The following RBMS3 variants were observed in gnomAD, a reference collection of about 807,000 sequenced individuals.
The protein encoded by RBMS3 is RNA binding motif single stranded interacting protein 3, also known as RNA-binding motif, single-stranded-interacting protein 3.
In RBMS3, 27 loss-of-function variants were observed where a neutral mutation model predicts 66.8. The ratio of observed to expected loss-of-function variants is 0.40; its 90% CI spans 0.30 to 0.56. RBMS3 has a LOEUF of 0.56. Ranked by LOEUF, RBMS3 falls within the 20% of genes least tolerant of loss-of-function variation. RBMS3 has a pLI of 0.40. For missense variants in RBMS3, 513 were observed against 549.5 expected, an observed-to-expected ratio of 0.93 and a Z score of 0.66; for synonymous variants, 188 against 183.0, an observed-to-expected ratio of 1.03 and a Z score of -0.22.
chr3:29,468,976 T>C (rs1293506141), intron 2 of RBMS3, among the ~76,000 whole-genome samples: 2 of 152,130 alleles, frequency 1.3e-5, no homozygotes, highest in Non-Finnish European at 2.9e-5. Context: ...AAAAGCATGG[T>C]GAATTATAGA....
intron 1 of RBMS3, among the ~76,000 whole-genome samples, chr3:29,313,581 G>A (rs1021319468): frequency 7.9e-5 from 12 of 151,530 alleles, no homozygotes; most frequent in Admixed American, 6.6e-5. Flanking sequence ...GTGTGGCCAC[G>A]GCTGCCCCTT....
intron 10 of RBMS3, among the ~76,000 whole-genome samples, chr3:29,931,903 C>A (rs576074130): frequency 3.2e-4 from 49 of 152,188 alleles, no homozygotes; most frequent in African/African-American, 1.2e-3. Flanking sequence ...TTTTAAAATT[C>A]ATATATAGTT....
At chr3:29,753,967 T>C (rs2055298079) in intron 5 of RBMS3, among the ~76,000 whole-genome samples, 1 of 152,162 alleles carries the variant, frequency 6.6e-6, no homozygotes, top group African/African-American at 2.4e-5. Context: ...AAACTCTTTT[T>C]TTTTTTTTGA....
At chr3:29,395,025 G>A (rs1246971505) in intron 1 of RBMS3, among the ~76,000 whole-genome samples, 1 of 152,150 alleles carries the variant, frequency 6.6e-6, no homozygotes, top group African/African-American at 2.4e-5. Context: ...TTTCAGCAAT[G>A]CCACCTCCCA....
chr3:29,931,496 G>A (rs2061123478), intron 10 of RBMS3, among the ~76,000 whole-genome samples: 1 of 152,072 alleles, frequency 6.6e-6, no homozygotes, highest in Non-Finnish European at 1.5e-5. Context: ...TTTTAAAGTT[G>A]GACTGCACTA....
rs150268012 is a variant in RBMS3 at position 29,809,034 on chromosome 3, A to G, written c.637+46045A>G. Among the ~76,000 whole-genome samples, 85 of 152,004 alleles carry G rather than the reference A, an allele frequency of 5.6e-4. 1 individual carries two copies. Among genetic ancestry groups the G allele is most frequent in the Admixed American group, 3.3e-4 (5 of 15,242 alleles). On this transcript the variant is annotated intron_variant, in intron 6 of 14. Transcript: ENST00000383767. ...AGACATCTAAATGTATATTCTCCTTATTTTTCCTTAAATATGAAATTATCC... is the reference window on the plus strand; with the variant it reads ...AGACATCTAAATGTATATTCTCCTTGTTTTTCCTTAAATATGAAATTATCC...
chr3:29,363,031 C>T (rs986800274), intron 1 of RBMS3, among the ~76,000 whole-genome samples: 5 of 152,072 alleles, frequency 3.3e-5, no homozygotes, highest in African/African-American at 1.2e-4. Context: ...TAAGGTTGGC[C>T]TCATCTGTGT....
intron 1 of RBMS3, among the ~76,000 whole-genome samples, chr3:29,318,795 T>A (rs1303073470): frequency 1.3e-5 from 2 of 151,822 alleles, no homozygotes; most frequent in Non-Finnish European, 2.9e-5. Flanking sequence ...TTGAGAGACT[T>A]AAGTAAGAAA....
chr3:29,579,377 T>C (rs1395203091), intron 3 of RBMS3, among the ~76,000 whole-genome samples: 1 of 152,154 alleles, frequency 6.6e-6, no homozygotes, highest in East Asian at 1.9e-4. Flanking sequence ...TGTCCTCCAG[T>C]TGATACACTG....
intron 8 of RBMS3, among the ~76,000 whole-genome samples, chr3:29,888,959 C>G (rs1421677729): frequency 6.6e-6 from 1 of 151,648 alleles, no homozygotes; most frequent in East Asian, 1.9e-4. Flanking sequence ...TATACCTCCC[C>G]CCACGAACAA....
chr3:29,564,040 A>G (rs938594275), intron 3 of RBMS3, among the ~76,000 whole-genome samples: 17 of 151,912 alleles, frequency 1.1e-4, no homozygotes, highest in African/African-American at 3.9e-4. Context: ...AGAAGAGAAG[A>G]AAAGAAAGAA....
chr3:29,801,686 C>A lies in RBMS3; in HGVS notation c.637+38697C>A, dbSNP rs1338843538. Among the ~76,000 whole-genome samples the A allele has an allele frequency of 7.2e-5, 11 of 152,236 alleles. No homozygotes were observed. The East Asian group carries it at 1.7e-3, about 24-fold the overall frequency. ...CCATAAAAGGAAAAACATTCTAAGG[C>A]AAATTCCTTCTCACTGTATTTTTTT... On this transcript the variant is annotated intron_variant, in intron 6 of 14. Transcript: ENST00000383767.
intron 3 of RBMS3, among the ~76,000 whole-genome samples, chr3:29,529,532 G>A (rs975544225): frequency 2.0e-5 from 3 of 152,068 alleles, no homozygotes; most frequent in African/African-American, 7.2e-5. Context: ...CTAAAAAAGA[G>A]CTTTCTGTTT....
At chr3:29,858,677 C>T (rs1238694959) in intron 6 of RBMS3, among the ~76,000 whole-genome samples, 2 of 152,174 alleles carry the variant, frequency 1.3e-5, no homozygotes. Flanking sequence ...CTTTATGTCC[C>T]GTCTACTTGA....
At chr3:29,701,087 G>A (rs535754411) in intron 4 of RBMS3, among the ~76,000 whole-genome samples, 1 of 152,178 alleles carries the variant, frequency 6.6e-6, no homozygotes, top group East Asian at 1.9e-4. Flanking sequence ...GACCAGCCTG[G>A]CCAACATGGT....
chr3:29,319,631 A>G (rs1471849217), intron 1 of RBMS3, among the ~76,000 whole-genome samples: 2 of 152,044 alleles, frequency 1.3e-5, no homozygotes, highest in East Asian at 1.9e-4. Flanking sequence ...TTTTACAGAT[A>G]AGTAAAATAA....
At chr3:29,814,004 C>G (rs550515192) in intron 6 of RBMS3, among the ~76,000 whole-genome samples, 1 of 152,028 alleles carries the variant, frequency 6.6e-6, no homozygotes, top group South Asian at 2.1e-4. Flanking sequence ...CTGGCCAGAA[C>G]TTCCAACATT....
chr3:29,739,693 C>A, intron 4 of RBMS3, 27 bp from the exon 5 acceptor site: 1 of 1,551,360 alleles, frequency 6.4e-7, no homozygotes, highest in Non-Finnish European at 8.7e-7. Context: ...TCAGAACTTA[C>A]CATATTTGTT....
chr3:29,850,501 TG>T (rs1281733779), intron 6 of RBMS3, among the ~76,000 whole-genome samples: 5 of 152,188 alleles, frequency 3.3e-5, no homozygotes, highest in Non-Finnish European at 7.3e-5. Context: ...TGAAATTACA[TG>T]TTTTTTTAGT....
Sources: gnomAD v4.1 joint callset for allele counts (sites outside exome capture counted in the v4.1 genomes callset) on GRCh38, gnomAD v4.1.1 for gene constraint, MANE v1.5 for transcripts, NCBI Gene and HGNC (gene_info 2026-07-23, HGNC 2026-07-21) for gene names.